Variants in FMN1 observed in about 807,000 individuals in gnomAD.
FMN1 encodes the protein formin-1.
A neutral mutation model predicts 132.4 loss-of-function variants in FMN1; 110 were observed. That is an observed-to-expected ratio of 0.83 (90% CI 0.71 to 0.97). FMN1 has a LOEUF of 0.97. Among genes scored for constraint, FMN1 ranks in the 50% least tolerant of loss-of-function variants. The pLI is 0.00. For missense variants in FMN1, 1,792 were observed against 1,705.3 expected (o/e 1.05, Z -0.90); for synonymous variants, 722 against 651.7 (o/e 1.11, Z -1.64).
chr15:32,987,532 A>G (rs935615551), intron 7 of FMN1, among the ~76,000 whole-genome samples: 3 of 152,154 alleles, frequency 2.0e-5, no homozygotes, highest in Non-Finnish European at 4.4e-5. Context: ...CTAACACAAC[A>G]TATGAAACTG....
At chr15:33,096,438 T>G (rs969391386) in intron 4 of FMN1, among the ~76,000 whole-genome samples, 1 of 152,162 alleles carries the variant, frequency 6.6e-6, no homozygotes, top group African/African-American at 2.4e-5. Flanking sequence ...TGCTAAGAAA[T>G]GGCCTCTATA....
rs74607190 is a variant in FMN1, at chr15:32,805,590, T to G, written c.3929-1258A>C. Among the ~76,000 whole-genome samples the G allele has an allele frequency of 3.5e-4, 53 of 152,304 alleles. No homozygotes were observed. The South Asian group carries it at 0.01, about 30-fold the overall frequency. On this transcript the variant is annotated intron_variant, in intron 17 of 20. Transcript: ENST00000616417. ...AAGTCTTGATAACAGACATAGCTAA[T>G]AGTGGCCAAATAATTTATTGTTTCC...
At chr15:33,014,437 A>G (rs1231256385) in intron 6 of FMN1, among the ~76,000 whole-genome samples, 1 of 152,220 alleles carries the variant, frequency 6.6e-6, no homozygotes, top group Non-Finnish European at 1.5e-5. Context: ...TGTGAAAAGG[A>G]GGAACAGGAA....
intron 18 of FMN1, among the ~76,000 whole-genome samples, chr15:32,800,605 G>C (rs2057445703): frequency 6.6e-6 from 1 of 152,178 alleles, no homozygotes; most frequent in Non-Finnish European, 1.5e-5. Flanking sequence ...CAAAGTCACA[G>C]GACTTTAGAA....
intron 7 of FMN1, among the ~76,000 whole-genome samples, chr15:32,981,543 A>AATAATAATAATAATAATAATT (rs574939662): frequency 7.2e-5 from 10 of 138,402 alleles, no homozygotes; most frequent in African/African-American, 2.7e-4. Context: ...TAATAATAAT[A>AATAATAATAATAATAATAATT]ATTATTATTA....
intron 17 of FMN1, among the ~76,000 whole-genome samples, chr15:32,845,119 T>G (rs2058827822): frequency 6.6e-6 from 1 of 152,210 alleles, no homozygotes; most frequent in African/African-American, 2.4e-5. Flanking sequence ...AGACAATAAC[T>G]GTATAAATCA....
chr15:33,102,567 C>T (rs2039335395), intron 4 of FMN1, among the ~76,000 whole-genome samples: 2 of 151,952 alleles, frequency 1.3e-5, no homozygotes, highest in South Asian at 4.1e-4. Context: ...TCTTCTCTTT[C>T]TTCTTGACAA....
Position 32,980,187 on chromosome 15 carries a change from C to T in FMN1, c.2224-10710G>A, listed in dbSNP as rs547820388. ...GCTCACCCTAGCCAAAAGGCACACT[C>T]GTTATACAAGACATAAGATGCCAGA... On this transcript the variant is annotated intron_variant, in intron 7 of 20. Transcript: ENST00000616417. 1.4e-3 allele frequency among the ~76,000 whole-genome samples: 199 copies of T among 143,616 alleles called. 2 individuals are homozygous for T. The highest frequency in any genetic ancestry group is 5.6e-3 in the African/African-American group (194 of 34,412). 94.2% of individuals were successfully genotyped at this position (143,616 alleles called of 152,430 possible).
At chr15:33,096,317 G>A (rs942916169) in intron 4 of FMN1, among the ~76,000 whole-genome samples, 1 of 152,158 alleles carries the variant, frequency 6.6e-6, no homozygotes, top group East Asian at 1.9e-4. Context: ...GAGCCAATAA[G>A]GCTGGTCTAG....
At chr15:32,806,933 C>A (rs1464665596) in intron 17 of FMN1, among the ~76,000 whole-genome samples, 1 of 152,214 alleles carries the variant, frequency 6.6e-6, no homozygotes, top group Admixed American at 6.5e-5. Flanking sequence ...CAGCCTCTAT[C>A]TACCTAACAG....
At chr15:32,784,018 A>G (rs1182225396) in intron 19 of FMN1, among the ~76,000 whole-genome samples, 2 of 152,154 alleles carry the variant, frequency 1.3e-5, no homozygotes, top group Non-Finnish European at 2.9e-5. Flanking sequence ...AAGGCAGAAG[A>G]TACTGAAATC....
At chr15:33,049,510 T>C (rs2036866983) in intron 6 of FMN1, among the ~76,000 whole-genome samples, 3 of 152,202 alleles carry the variant, frequency 2.0e-5, no homozygotes. Context: ...TAATTTATGA[T>C]GGTGATAGTG....
intron 19 of FMN1, among the ~76,000 whole-genome samples, chr15:32,798,167 C>T (rs1262258289): frequency 7.2e-6 from 1 of 139,584 alleles, no homozygotes; most frequent in Non-Finnish European, 1.5e-5. Context: ...TTCAATCTCT[C>T]TAAGGAAAAC....
At chr15:33,045,435 GA>G (rs752499262) in intron 6 of FMN1, among the ~76,000 whole-genome samples, 138 of 152,306 alleles carry the variant, frequency 9.1e-4, no homozygotes, top group Middle Eastern at 3.4e-3. Context: ...TGGCTGTTAA[GA>G]AATATCCCAA....
chr15:33,106,905 A>G (rs1214175334), intron 4 of FMN1, among the ~76,000 whole-genome samples: 5 of 151,984 alleles, frequency 3.3e-5, no homozygotes, highest in African/African-American at 7.2e-5. Flanking sequence ...TCCATCTGTC[A>G]TCTCATTCAG....
intron 6 of FMN1, among the ~76,000 whole-genome samples, chr15:33,036,417 T>G (rs2036195392): frequency 6.6e-6 from 1 of 152,242 alleles, no homozygotes; most frequent in Non-Finnish European, 1.5e-5. Context: ...TAATTATCAC[T>G]GTATATTTAA....
intron 6 of FMN1, among the ~76,000 whole-genome samples, chr15:33,059,371 T>C (rs924643653): frequency 2.0e-5 from 3 of 152,256 alleles, no homozygotes; most frequent in Admixed American, 1.3e-4. Context: ...TGCAGTTCTA[T>C]CTTTTACATA....
chr15:33,158,254 C>T (rs536869797), intron 3 of FMN1, among the ~76,000 whole-genome samples: 64 of 152,120 alleles, frequency 4.2e-4, no homozygotes, highest in African/African-American at 1.2e-3. Flanking sequence ...TGCCTGTTTA[C>T]AGGATTAAGT....
chr15:32,861,157 T>G (rs1272213510), intron 16 of FMN1, among the ~76,000 whole-genome samples: 1 of 152,188 alleles, frequency 6.6e-6, no homozygotes, highest in Non-Finnish European at 1.5e-5. Flanking sequence ...TATAGAATTG[T>G]TTTTCATGAA....
Sources: gnomAD v4.1 joint callset for allele counts (sites outside exome capture counted in the v4.1 genomes callset) on GRCh38, gnomAD v4.1.1 for gene constraint, MANE v1.5 for transcripts, NCBI Gene and HGNC (gene_info 2026-07-23, HGNC 2026-07-21) for gene names.